Variants in STAT5A observed in about 807,000 individuals in gnomAD.
STAT5A encodes signal transducer and activator of transcription 5A.
Under a neutral mutation model 100.2 loss-of-function variants are expected in STAT5A, and 26 were observed. That is an observed-to-expected ratio of 0.26 (90% CI 0.19 to 0.36). The LOEUF (loss-of-function observed/expected upper bound fraction) is 0.36, where lower values mean the gene tolerates loss of function less well. STAT5A is among the 10% of genes least tolerant of loss of function. The pLI, the probability that STAT5A is intolerant of heterozygous loss-of-function variation, is 1.00. For missense variants in STAT5A, 634 were observed against 1,027.5 expected (o/e 0.62, Z 5.24); for synonymous variants, 330 against 424.3 (o/e 0.78, Z 2.73).
intron 11 of STAT5A, 143 bp from the exon 12 acceptor site, chr17:42,305,467 A>T (rs1454867706): frequency 1.4e-5 from 9 of 631,668 alleles, no homozygotes; most frequent in Non-Finnish European, 2.4e-5. Context: ...GCACCATTGC[A>T]CTCCAGCCTG....
chr17:42,290,681 G>T (rs1365219304), intron 3 of STAT5A, among the ~76,000 whole-genome samples: 1 of 152,216 alleles, frequency 6.6e-6, no homozygotes, highest in Non-Finnish European at 1.5e-5. Context: ...GAGGCCAGGG[G>T]CAGGATGGTG....
In STAT5A at chr17:42,301,377, G is replaced by T. The variant is rs1451895133; in HGVS notation, c.1092G>T (p.Met364Ile). 3.7e-6 allele frequency: 6 copies of T among 1,614,042 alleles called. No homozygotes were observed. Among genetic ancestry groups the T allele is most frequent in the African/African-American group, 2.7e-5 (2 of 74,908 alleles). ...TGGGCGGGAAGCTGAACGTGCACATGAATCCCCCCCAGGTGAAGGCCACCA... is the reference window on the plus strand; with the variant it reads ...TGGGCGGGAAGCTGAACGTGCACATTAATCCCCCCCAGGTGAAGGCCACCA... Reference protein sequence around the residue: ...LLVGGKLNVHMNPPQVKATII... With the variant: ...LLVGGKLNVHINPPQVKATII... Residue 364 changes from methionine (M) to isoleucine (I), a missense_variant, in exon 9 of 19, where the codon ATG becomes ATT. By Grantham distance (10) the Met-to-Ile change is conservative. Transcript: ENST00000590949.
intron 9 of STAT5A, among the ~76,000 whole-genome samples, chr17:42,303,462 C>A (rs889680923): frequency 6.6e-6 from 1 of 152,188 alleles, no homozygotes; most frequent in Non-Finnish European, 1.5e-5. Flanking sequence ...GTAATCCCAG[C>A]ACTTTGAGAG....
chr17:42,296,566 C>T (rs2080919587), intron 5 of STAT5A, among the ~76,000 whole-genome samples: 1 of 152,182 alleles, frequency 6.6e-6, no homozygotes, highest in Non-Finnish European at 1.5e-5. Flanking sequence ...TTTTCCTTTA[C>T]TCTTTTTAAT....
chr17:42,303,528 G>A (rs897017679), intron 9 of STAT5A, among the ~76,000 whole-genome samples: 2 of 152,116 alleles, frequency 1.3e-5, no homozygotes, highest in African/African-American at 4.8e-5. Flanking sequence ...TGAGTAACAT[G>A]GCAAAATCCA....
chr17:42,288,326 G>A (rs960292272), upstream of STAT5A: 1 of 152,182 alleles, frequency 6.6e-6, no homozygotes, highest in Non-Finnish European at 1.5e-5. This position sits in a 1 kb window ranked among gnomAD's most constrained non-coding sequence, Gnocchi z 4.8. Context: ...GCCGCCCGCC[G>A]GGAACGGCCG....
At chr17:42,287,823 T>G (rs2144478878), upstream of STAT5A, 1 of 152,316 alleles carries the variant, frequency 6.6e-6, no homozygotes, top group East Asian at 1.9e-4. Context: ...CTGAAACACA[T>G]GACTGCCAAG....
At position 42,289,750 on chromosome 17, in the gene STAT5A, G is replaced by A. The variant is rs971244386; in HGVS notation, c.129-116G>A. On this transcript the variant is annotated intron_variant, in intron 2 of 18. Transcript: ENST00000590949. ...TGTGGAGCTGCTGGGAACAAGTCTT[G>A]TGGGCCCTGGAGTGCCCTCGGTCAT... 20 of 1,412,136 alleles carry A rather than the reference G, an allele frequency of 1.4e-5. No individual in the cohort carries two copies. In the African/African-American group the frequency reaches 2.9e-4, roughly 21 times the overall value. The allele number at this position is 1,412,136 out of a possible 1,614,324, so 87.5% of individuals were successfully genotyped here.
intron 18 of STAT5A, 135 bp from the exon 19 acceptor site, chr17:42,310,372 G>A: frequency 1.1e-6 from 1 of 904,030 alleles, no homozygotes; most frequent in East Asian, 2.6e-5. Context: ...TTGGGGTGGG[G>A]TGGGGGCATC....
rs577779069 is a variant in STAT5A at position 42,310,633 on chromosome 17, C to T, written c.2349C>T (p.Ala783=). 2.5e-5 allele frequency: 41 copies of T among 1,614,200 alleles called. No individual in the cohort carries two copies. The highest frequency in any genetic ancestry group is 6.7e-5 in the African/African-American group (5 of 75,058). ...TTGACTCCCGCCTCTCGCCCCCTGC[C>T]GGTCTTTTCACCTCTGCCAGAGGCT... ...DSLDSRLSPP[A]GLFTSARGSL... is the part of the protein sequence containing the mutation. The change falls in exon 19 of 19, where the codon GCC becomes GCT. Residue 783 remains alanine, a synonymous_variant. Transcript: ENST00000590949.
chr17:42,299,265 T>C (rs2080951164), intron 5 of STAT5A, among the ~76,000 whole-genome samples: 1 of 152,170 alleles, frequency 6.6e-6, no homozygotes, highest in Non-Finnish European at 1.5e-5. Context: ...TCTGGCATCT[T>C]CCATGTCCTC....
rs778121170 is a variant in STAT5A at position 42,309,052 on chromosome 17, G to A, written c.2068G>A (p.Ala690Thr). The change falls in exon 17 of 19, where the codon GCT becomes ACT. Residue 690 changes from alanine (A) to threonine (T), a missense_variant. Ala to Thr is a moderately conservative substitution (Grantham distance 58). Transcript: ENST00000590949. ...SKYYTPVLAKAVDGYVKPQIK... is the reference protein window; with the variant it reads ...SKYYTPVLAKTVDGYVKPQIK... ...CACTGTTCTTCCCTTGACAGCTAAAGCTGTTGATGGATATGTGAAACCACA... is the reference window on the plus strand; with the variant it reads ...CACTGTTCTTCCCTTGACAGCTAAAACTGTTGATGGATATGTGAAACCACA... The A allele has an allele frequency of 2.2e-5, 36 of 1,614,212 alleles. No individual in the cohort carries two copies. Among genetic ancestry groups the A allele is most frequent in the Non-Finnish European group, 3.1e-5 (36 of 1,180,036 alleles).
intron 4 of STAT5A, among the ~76,000 whole-genome samples, chr17:42,292,551 A>C (rs940078763): frequency 6.7e-6 from 1 of 149,714 alleles, no homozygotes. Flanking sequence ...GATGGTCTCA[A>C]CCTGACCTCG....
upstream of STAT5A, chr17:42,287,597 G>A (rs2080825765): frequency 6.6e-6 from 1 of 152,372 alleles, no homozygotes; most frequent in Non-Finnish European, 1.5e-5. Context: ...TTCGAAGTTA[G>A]GAGGACTCAA....
chr17:42,299,718 G>A, intron 5 of STAT5A, 33 bp from the exon 6 acceptor site: 7 of 1,614,124 alleles, frequency 4.3e-6, no homozygotes, highest in Non-Finnish European at 4.2e-6. Context: ...ACACTAGGAG[G>A]TGATGGTCAT....
chr17:42,298,709 G>A (rs1214186981), intron 5 of STAT5A, among the ~76,000 whole-genome samples: 2 of 151,338 alleles, frequency 1.3e-5, no homozygotes, highest in Middle Eastern at 3.2e-3. Context: ...GGATGGTCTC[G>A]ATCACCTGAC....
chr17:42,296,798 C>T (rs1467350234), intron 5 of STAT5A, among the ~76,000 whole-genome samples: 5 of 152,010 alleles, frequency 3.3e-5, no homozygotes, highest in Admixed American at 6.6e-5. Context: ...CCACCACGCC[C>T]AGCTGATTTT....
At position 42,301,950 on chromosome 17, in the gene STAT5A, C is replaced by T. The variant is rs2080984342; in HGVS notation, c.1169+496C>T. Among the ~76,000 whole-genome samples the T allele has an allele frequency of 2.0e-5, 3 of 152,268 alleles. No individual in the cohort carries two copies. The South Asian group carries it at 6.2e-4, about 32-fold the overall frequency. On this transcript the variant is annotated intron_variant, in intron 9 of 18. Coordinates refer to ENST00000590949, the MANE Select transcript of STAT5A (RefSeq NM_001288718.2). Reference sequence around the variant, plus strand: ...TTGGGAGGCCACGGTCGGAGGATCACTTGAGCCCAAAAGTTTGAGTTGGAC... The same window carrying T: ...TTGGGAGGCCACGGTCGGAGGATCATTTGAGCCCAAAAGTTTGAGTTGGAC...
intron 7 of STAT5A, 80 bp downstream of exon 7, chr17:42,300,361 C>T: frequency 4.0e-6 from 6 of 1,513,138 alleles, no homozygotes; most frequent in Non-Finnish European, 5.3e-6. Context: ...TGTGCTGGCT[C>T]CTGCAGCAGG....
Sources: allele counts gnomAD v4.1 joint callset (sites outside exome capture counted in the v4.1 genomes callset), GRCh38; gene constraint gnomAD v4.1.1; non-coding constraint Gnocchi (gnomAD v3.1); transcripts MANE v1.5; gene names NCBI Gene and HGNC (gene_info 2026-07-23, HGNC 2026-07-21).